ORAI2: variants seen among roughly 807,000 people sequenced by gnomAD.
ORAI2 encodes ORAI calcium release-activated calcium modulator 2.
In ORAI2, 10 loss-of-function variants were observed where a neutral mutation model predicts 16.2. That is an observed-to-expected ratio of 0.62 (90% confidence interval 0.38 to 1.04). ORAI2 has a LOEUF of 1.04. Among genes scored for constraint, ORAI2 ranks in the 50% least tolerant of loss-of-function variants. The pLI, the probability that ORAI2 is intolerant of heterozygous loss-of-function variation, is 0.01. For synonymous variants in ORAI2, 150 were observed against 157.5 expected (o/e 0.95, Z 0.35); for missense variants, 238 against 355.5 (o/e 0.67, Z 2.66).
intron 1 of ORAI2, among the ~76,000 whole-genome samples, chr7:102,434,979 C>A (rs116018260): frequency 0.012 from 1,774 of 152,232 alleles, 46 homozygotes; most frequent in African/African-American, 0.041. Context: ...TTTTAAAATT[C>A]TTTTTAGAGG....
chr7:102,447,268 G>T lies in ORAI2; in HGVS notation c.*216G>T. On this transcript the variant is annotated 3_prime_UTR_variant, in exon 4 of 4. Coordinates refer to ENST00000495936, the MANE Select transcript of ORAI2 (RefSeq NM_001126340.3). ...CTAAGAGCGTTGGGGGCAAAGCCAG[G>T]CTGGTTCCTTGGCCTCGGGGTTTCC... is the stretch of plus-strand genomic sequence containing the variant. 1 of 609,636 alleles carries T rather than the reference G, an allele frequency of 1.6e-6. No individual in the cohort carries two copies. 37.8% of individuals were successfully genotyped at this position (609,636 alleles called of 1,614,324 possible). A position where few individuals can be genotyped will look rare whatever the true frequency, so the allele number is the denominator to read the frequency against.
chr7:102,444,396 G>C (rs933291718), intron 3 of ORAI2, among the ~76,000 whole-genome samples: 1 of 151,228 alleles, frequency 6.6e-6, no homozygotes, highest in African/African-American at 2.4e-5. Flanking sequence ...GGGATTACAG[G>C]CACGAGCCAC....
intron 2 of ORAI2, among the ~76,000 whole-genome samples, chr7:102,438,358 AAAAT>A: frequency 6.6e-6 from 1 of 152,138 alleles, no homozygotes; most frequent in East Asian, 1.9e-4. Context: ...AAATAAAATA[AAAAT>A]AAATAAAAAG....
chr7:102,437,494 A>G (rs1008059028), intron 2 of ORAI2, among the ~76,000 whole-genome samples: 2 of 152,098 alleles, frequency 1.3e-5, no homozygotes, highest in Non-Finnish European at 2.9e-5. Flanking sequence ...ACATGCCTGT[A>G]ATCCCAGCTA....
chr7:102,440,762 G>C (rs533589949), intron 3 of ORAI2, among the ~76,000 whole-genome samples: 2 of 151,960 alleles, frequency 1.3e-5, no homozygotes, highest in Non-Finnish European at 2.9e-5. Context: ...GGAGTGCGGG[G>C]GTGCAATCAT....
In ORAI2 at chr7:102,435,368, C is replaced by T. The variant is rs187465635; in HGVS notation, c.-122-857C>T. 8.5e-4 allele frequency among the ~76,000 whole-genome samples: 130 copies of T among 152,202 alleles called. 1 individual carries two copies. Among genetic ancestry groups the T allele is most frequent in the Middle Eastern group, 6.8e-3 (2 of 294 alleles). On this transcript the variant is annotated intron_variant, in intron 1 of 3. Transcript: ENST00000495936. ...ATCCTCCCACCTTGGCCTCACAAAA[C>T]ACTGGGATTACAGGCATGAGGCACT...
intron 3 of ORAI2, 79 bp downstream of exon 3, chr7:102,439,260 A>G: frequency 1.6e-6 from 2 of 1,219,904 alleles, no homozygotes; most frequent in Non-Finnish European, 2.3e-6. Context: ...CTCAGGGACC[A>G]GAGCCTTCCC....
Position 102,447,027 on chromosome 7 carries a change from A to G in ORAI2, c.740A>G (p.His247Arg), listed in dbSNP as rs1797389709. The G allele has an allele frequency of 1.3e-6, 2 of 1,554,746 alleles. No individual in the cohort carries two copies. Among genetic ancestry groups the G allele is most frequent in the Non-Finnish European group, 1.7e-6 (2 of 1,153,694 alleles). ...AAGCTCAAGGTCCAGCTGGACGGGC[A>G]TGAGCGCAGCCTGCAGGTCTTGTGA... ...LHKLKVQLDGHERSLQVL is the reference protein window; with the variant it reads ...LHKLKVQLDGRERSLQVL Residue 247 changes from histidine to arginine, a missense_variant, in exon 4 of 4, where the codon CAT (histidine) becomes CGT (arginine). This residue lies in a region of ORAI2 where 176 missense variants were observed against 265.9 expected (regional missense o/e 0.66). Coordinates refer to ENST00000495936, the MANE Select transcript of ORAI2 (RefSeq NM_001126340.3).
chr7:102,446,137 CAG>C (rs1410661095), intron 3 of ORAI2, among the ~76,000 whole-genome samples: 1 of 152,038 alleles, frequency 6.6e-6, no homozygotes, highest in Non-Finnish European at 1.5e-5. Context: ...TTAGTAGAGA[CAG>C]GGTTTCACCA....
rs991913693 is a variant in ORAI2 at position 102,448,222 on chromosome 7, G to A, written c.*1170G>A. On this transcript the variant is annotated 3_prime_UTR_variant, in exon 4 of 4. Coordinates refer to ENST00000495936, the MANE Select transcript of ORAI2 (RefSeq NM_001126340.3). ...CCGACACTGGGTCCCACCACACACAGTGACTGTGCCGTGCAGTGCAGGTTC... is the reference window on the plus strand; with the variant it reads ...CCGACACTGGGTCCCACCACACACAATGACTGTGCCGTGCAGTGCAGGTTC... The A allele has an allele frequency of 6.6e-6, 1 of 152,406 alleles. No individual in the cohort carries two copies. Among genetic ancestry groups the A allele is most frequent in the Admixed American group, 6.5e-5 (1 of 15,296 alleles). 9.4% of individuals were successfully genotyped at this position (152,406 alleles called of 1,614,324 possible).
In ORAI2 at chr7:102,450,568, G is replaced by C. The variant is rs1224581709; in HGVS notation, c.*3516G>C. On this transcript the variant is annotated 3_prime_UTR_variant, in exon 4 of 4. Coordinates refer to ENST00000495936, the MANE Select transcript of ORAI2 (RefSeq NM_001126340.3). ...TGATGGTGGCACATGGGTGGGGACG[G>C]AGCCACATCCAAGTCTAGCCCTCTG... 6.6e-6 allele frequency: 1 copy of C among 152,296 alleles called. No homozygotes were observed. The highest frequency in any genetic ancestry group is 1.9e-4 in the East Asian group (1 of 5,202). The allele number at this position is 152,296 out of a possible 1,614,324, so 9.4% of individuals were successfully genotyped here. A position where few individuals can be genotyped will look rare whatever the true frequency, so the allele number is the denominator to read the frequency against.
chr7:102,437,564 G>A (rs1027096796), intron 2 of ORAI2, among the ~76,000 whole-genome samples: 3 of 152,292 alleles, frequency 2.0e-5, no homozygotes, highest in Non-Finnish European at 2.9e-5. Flanking sequence ...GCAGTGAGCC[G>A]AAATTGCGCC....
rs1169128626 is a variant in ORAI2, at chr7:102,450,225, AAAG to A, written c.*3176_*3178del. The A allele has an allele frequency of 6.6e-6, 1 of 152,236 alleles. No individual in the cohort carries two copies. The highest frequency in any genetic ancestry group is 1.5e-5 in the Non-Finnish European group (1 of 68,108). 9.4% of individuals were successfully genotyped at this position (152,236 alleles called of 1,614,324 possible). ...AAAAAAAAAAAAGAAAATAAAGAAA[AAAG>A]AATGTCAGCATGTCAGCGTTCCTCC... On this transcript the variant is annotated 3_prime_UTR_variant, in exon 4 of 4. Coordinates refer to ENST00000495936, the MANE Select transcript of ORAI2 (RefSeq NM_001126340.3).
intron 2 of ORAI2, 66 bp from the exon 3 acceptor site, chr7:102,438,878 T>C: frequency 6.7e-7 from 1 of 1,494,510 alleles, no homozygotes; most frequent in Non-Finnish European, 9.3e-7. Context: ...TGAATGGGCT[T>C]GGAGTCTAGC....
chr7:102,445,543 C>T (rs1051658827), intron 3 of ORAI2, among the ~76,000 whole-genome samples: 4 of 152,012 alleles, frequency 2.6e-5, no homozygotes, highest in African/African-American at 9.7e-5. Context: ...TGTTATCTCC[C>T]GGGTTCAAGC....
intron 3 of ORAI2, among the ~76,000 whole-genome samples, chr7:102,440,430 G>A (rs529300220): frequency 2.7e-4 from 41 of 152,322 alleles, no homozygotes; most frequent in South Asian, 1.7e-3. Flanking sequence ...CTCCAAAGCC[G>A]CTGACCCACA....
chr7:102,442,497 G>A (rs1797233187), intron 3 of ORAI2, among the ~76,000 whole-genome samples: 1 of 152,040 alleles, frequency 6.6e-6, no homozygotes, highest in Non-Finnish European at 1.5e-5. Context: ...GACCATCCTG[G>A]CTAACACAGT....
At position 102,446,980 on chromosome 7, in the gene ORAI2, C is replaced by G; in HGVS notation, c.693C>G (p.Asn231Lys). The change falls in exon 4 of 4, where the codon AAC becomes AAG. Residue 231 changes from asparagine (N) to lysine (K), a missense_variant. Asn to Lys is a moderately conservative substitution (Grantham distance 94, BLOSUM62 0). Transcript: ENST00000495936. The part of the protein sequence containing the change: ...SLVRHKTERH[N>K]REIEELHKLK... ...TGCGCCACAAAACGGAGCGCCACAACCGCGAGATCGAGGAGCTCCACAAGC... is the reference window on the plus strand; with the variant it reads ...TGCGCCACAAAACGGAGCGCCACAAGCGCGAGATCGAGGAGCTCCACAAGC... 6.2e-7 allele frequency: 1 copy of G among 1,602,128 alleles called. No individual in the cohort carries two copies.
Position 102,447,033 on chromosome 7 carries a change from G to T in ORAI2, c.746G>T (p.Arg249Leu), listed in dbSNP as rs754118697. ...AAGGTCCAGCTGGACGGGCATGAGC[G>T]CAGCCTGCAGGTCTTGTGAGGGGCC... ...KLKVQLDGHE[R>L]SLQVL The change falls in exon 4 of 4, where the codon CGC (arginine) becomes CTC (leucine). Residue 249 changes from arginine (R) to leucine (L), a missense_variant. By Grantham distance (102) the Arg-to-Leu change is moderately radical. Around this residue, in one of 3 missense-constraint regions of ORAI2, gnomAD observed 176 missense variants for 265.9 expected, o/e 0.66. Transcript: ENST00000495936. The T allele has an allele frequency of 1.3e-6, 2 of 1,548,440 alleles. No homozygotes were observed. The highest frequency in any genetic ancestry group is 1.7e-6 in the Non-Finnish European group (2 of 1,150,744).
Sources: gnomAD v4.1 joint callset for allele counts (sites outside exome capture counted in the v4.1 genomes callset) on GRCh38, gnomAD v4.1.1 for gene constraint, gnomAD v4.1.1 regional missense constraint, MANE v1.5 for transcripts, NCBI Gene and HGNC (gene_info 2026-07-23, HGNC 2026-07-21) for gene names.